The following POLA1 variants were observed in gnomAD, a reference collection of about 807,000 sequenced individuals.
The protein encoded by POLA1 is DNA polymerase alpha 1, catalytic subunit.
Under a neutral mutation model 124.0 loss-of-function variants are expected in POLA1, and 15 were observed. The observed-to-expected ratio is 0.12, with a 90% CI of 0.08 to 0.19. The LOEUF is 0.19. POLA1 is among the 10% of genes least tolerant of loss of function. The pLI is 1.00. For synonymous variants in POLA1, 408 were observed against 389.4 expected (o/e 1.05, Z -0.56); for missense variants, 886 against 1,103.4 (o/e 0.80, Z 2.79).
chrX:24,979,399 T>G (rs908327862), intron 36 of POLA1, among the ~76,000 whole-genome samples: 2 of 112,241 alleles, frequency 1.8e-5, no homozygotes, highest in Non-Finnish European at 3.8e-5. Flanking sequence ...GGCCGACACA[T>G]CCATCAATAA....
chrX:24,748,573 A>T, intron 25 of POLA1, 113 bp downstream of exon 25: 1 of 646,296 alleles, frequency 1.5e-6, no homozygotes, highest in Admixed American at 3.4e-5. Context: ...AAGTTTGTGG[A>T]TAGGTGACCA....
At chrX:24,809,561 T>G (rs1283490808) in intron 26 of POLA1, among the ~76,000 whole-genome samples, 1 of 112,111 alleles carries the variant, frequency 8.9e-6, no homozygotes, top group Non-Finnish European at 1.9e-5. Context: ...AGATTTGAAA[T>G]GCTTTGTTAA....
chrX:24,810,075 A>G, intron 27 of POLA1, 145 bp downstream of exon 27: 1 of 422,530 alleles, frequency 2.4e-6, no homozygotes, highest in East Asian at 4.1e-5. Context: ...CTAATGGATT[A>G]CAGCTTTTTT....
chrX:24,828,538 A>G (rs1272346131), intron 32 of POLA1, among the ~76,000 whole-genome samples: 1 of 111,695 alleles, frequency 9.0e-6, no homozygotes, highest in East Asian at 2.8e-4. Flanking sequence ...TGCTCCCTCT[A>G]TTTCTCACTG....
chrX:24,866,477 T>G (rs2046796562), intron 34 of POLA1, among the ~76,000 whole-genome samples: 1 of 112,120 alleles, frequency 8.9e-6, no homozygotes, highest in Non-Finnish European at 1.9e-5. Context: ...TCAACAATCC[T>G]TTAACATTCA....
At chrX:24,967,462 G>A (rs1459664532) in intron 36 of POLA1, among the ~76,000 whole-genome samples, 2 of 109,995 alleles carry the variant, frequency 1.8e-5, no homozygotes, top group African/African-American at 3.3e-5. Context: ...TTGAGCTCAG[G>A]AGTTCGAGAC....
At chrX:24,853,890 T>A (rs999331505) in intron 34 of POLA1, among the ~76,000 whole-genome samples, 1 of 112,466 alleles carries the variant, frequency 8.9e-6, no homozygotes, top group Non-Finnish European at 1.9e-5. Flanking sequence ...CAACACATGA[T>A]AATAAAAGGA....
chrX:24,730,203 T>C (rs766919048), intron 15 of POLA1, among the ~76,000 whole-genome samples: 78 of 111,951 alleles, frequency 7.0e-4, no homozygotes, highest in African/African-American at 2.5e-3. Flanking sequence ...CCACCTCTAG[T>C]GTCCAGAATG....
intron 36 of POLA1, among the ~76,000 whole-genome samples, chrX:24,938,591 G>T (rs938539074): frequency 7.1e-5 from 8 of 112,179 alleles, no homozygotes; most frequent in Non-Finnish European, 1.5e-4. Flanking sequence ...ATGGAAACAA[G>T]ATTCTATTTC....
At chrX:24,987,601 A>G (rs1268620604) in intron 36 of POLA1, among the ~76,000 whole-genome samples, 1 of 111,878 alleles carries the variant, frequency 8.9e-6, no homozygotes, top group Non-Finnish European at 1.9e-5. Flanking sequence ...TGGCTTAATC[A>G]AAAATGTTCA....
intron 26 of POLA1, among the ~76,000 whole-genome samples, chrX:24,799,931 G>C: frequency 8.9e-6 from 1 of 112,015 alleles, no homozygotes; most frequent in Non-Finnish European, 1.9e-5. Context: ...ACTGAAGTAA[G>C]ACACTTTGAG....
chrX:24,987,692 T>C (rs1451342867), intron 36 of POLA1, among the ~76,000 whole-genome samples: 3 of 111,850 alleles, frequency 2.7e-5, no homozygotes, highest in African/African-American at 9.8e-5. Flanking sequence ...AGGAAGGGAA[T>C]GTTCCCTACC....
chrX:24,966,064 A>G (rs1158775889), intron 36 of POLA1, among the ~76,000 whole-genome samples: 2 of 112,138 alleles, frequency 1.8e-5, no homozygotes, highest in African/African-American at 6.5e-5. Context: ...TGTTTTAATG[A>G]TTTAGAAAAT....
rs1031179748 is a variant in POLA1 at position 24,851,587 on chromosome X, C to T, written c.4047+7910C>T. On this transcript the variant is annotated intron_variant, in intron 34 of 36. Coordinates refer to ENST00000379068, the MANE Select transcript of POLA1 (RefSeq NM_001330360.2). The stretch of plus-strand genomic sequence containing the variant: ...CTAGTACAGCCATTGAAAGGAAGCA[C>T]GTGTTGAACCTGGGGTTTCAGCGAC... Among the ~76,000 whole-genome samples, 9 of 113,231 alleles carry T rather than the reference C, an allele frequency of 7.9e-5. No homozygotes were observed. In the East Asian group the frequency reaches 1.7e-3, roughly 21 times the overall value.
chrX:24,724,550 T>C, intron 12 of POLA1, 99 bp downstream of exon 12: 1 of 459,475 alleles, frequency 2.2e-6, no homozygotes, highest in Non-Finnish European at 3.8e-6. Flanking sequence ...AAATGCCTTC[T>C]GTGCAGCTAT....
chrX:24,970,989 A>T (rs189511828), intron 36 of POLA1, among the ~76,000 whole-genome samples: 34 of 112,602 alleles, frequency 3.0e-4, no homozygotes, highest in African/African-American at 1.0e-3. Flanking sequence ...CAAACCAAGC[A>T]AGGTGGGGCT....
chrX:24,699,540 TA>T lies in POLA1; in HGVS notation c.162del (p.Lys54AsnfsTer76). ...LKKAKAGEKY[K>X]YEVEDFTGVY... ...AAAAGGCTAAAGCTGGTGAGAAGTA[TA>T]AATATGAAGTAAGTAACCATTTTTC... On this transcript the variant is annotated frameshift_variant, in exon 2 of 37. Transcript: ENST00000379068. LOFTEE classifies it high-confidence loss of function. The T allele has an allele frequency of 8.7e-7, 1 of 1,153,135 alleles. No individual in the cohort carries two copies. The highest frequency in any genetic ancestry group is 2.5e-5 in the Admixed American group (1 of 40,435).
chrX:24,959,195 G>A (rs1332681478), intron 36 of POLA1, among the ~76,000 whole-genome samples: 3 of 111,802 alleles, frequency 2.7e-5, no homozygotes, highest in Non-Finnish European at 5.6e-5. Context: ...GCCAGGCACG[G>A]TGGCTCACAC....
intron 34 of POLA1, among the ~76,000 whole-genome samples, chrX:24,846,744 G>A (rs898534423): frequency 8.9e-6 from 1 of 111,732 alleles, no homozygotes; most frequent in African/African-American, 3.2e-5. Flanking sequence ...TCATCATCTT[G>A]TCAGCTGGCA....
Sources: allele counts gnomAD v4.1 joint callset (sites outside exome capture counted in the v4.1 genomes callset), GRCh38; gene constraint gnomAD v4.1.1; transcripts MANE v1.5; gene names NCBI Gene and HGNC (gene_info 2026-07-23, HGNC 2026-07-21).